The following STK10 variants were observed in gnomAD, a reference collection of about 807,000 sequenced individuals.
The protein encoded by STK10 is serine/threonine kinase 10.
In STK10, 78 loss-of-function variants were observed where a neutral mutation model predicts 113.8. The observed-to-expected ratio is 0.69, with a 90% CI of 0.57 to 0.83. The LOEUF is 0.83. Ranked by LOEUF, STK10 falls within the 40% of genes least tolerant of loss-of-function variation. The pLI, the probability that STK10 is intolerant of heterozygous loss-of-function variation, is 0.00. For synonymous variants in STK10, 465 were observed against 494.7 expected (o/e 0.94, Z 0.80); for missense variants, 1,109 against 1,280.1 (o/e 0.87, Z 2.04).
At chr5:172,173,238 G>A (rs1475976770) in intron 1 of STK10, among the ~76,000 whole-genome samples, 1 of 152,160 alleles carries the variant, frequency 6.6e-6, no homozygotes, top group Non-Finnish European at 1.5e-5. Flanking sequence ...GTCTTGAGAG[G>A]GAGCTCAGGC....
chr5:172,174,322 C>T (rs1017923181), intron 1 of STK10, among the ~76,000 whole-genome samples: 1 of 152,126 alleles, frequency 6.6e-6, no homozygotes, highest in Non-Finnish European at 1.5e-5. Context: ...CAGGCGCGCA[C>T]CATCACGCCC....
At chr5:172,066,814 G>C (rs1174540873) in intron 12 of STK10, among the ~76,000 whole-genome samples, 1 of 152,170 alleles carries the variant, frequency 6.6e-6, no homozygotes, top group African/African-American at 2.4e-5. Flanking sequence ...CGCAGGAAAA[G>C]GGAAATTCCT....
At chr5:172,071,824 T>C (rs116263881) in intron 12 of STK10, among the ~76,000 whole-genome samples, 1,774 of 152,326 alleles carry the variant, frequency 0.012, 35 homozygotes, top group African/African-American at 0.041. Flanking sequence ...TTCAAAATAT[T>C]ATTTTCCTTT....
intron 12 of STK10, among the ~76,000 whole-genome samples, chr5:172,076,610 G>A (rs1768313408): frequency 6.6e-6 from 1 of 152,190 alleles, no homozygotes. Context: ...CAACCAAAAT[G>A]TTTCCAGATA....
intron 10 of STK10, among the ~76,000 whole-genome samples, chr5:172,086,512 T>C (rs1015381307): frequency 2.0e-5 from 3 of 152,196 alleles, no homozygotes; most frequent in African/African-American, 7.2e-5. Flanking sequence ...AAGAGAAGGC[T>C]GAGGCTCAAG....
chr5:172,144,663 G>A (rs186141150), intron 2 of STK10, among the ~76,000 whole-genome samples: 159 of 152,232 alleles, frequency 1.0e-3, no homozygotes, highest in African/African-American at 3.7e-3. Context: ...CACCACATTC[G>A]AAGGAAGCCT....
chr5:172,067,686 T>A (rs1188624134), intron 12 of STK10, among the ~76,000 whole-genome samples: 4 of 151,896 alleles, frequency 2.6e-5, no homozygotes, highest in African/African-American at 4.8e-5. Flanking sequence ...ATACAATGTC[T>A]GAAATTAAAA....
intron 1 of STK10, among the ~76,000 whole-genome samples, chr5:172,172,287 C>G (rs888966718): frequency 6.6e-6 from 1 of 152,346 alleles, no homozygotes; most frequent in South Asian, 2.1e-4. Context: ...CACTGAGTGA[C>G]GGGACCCTCC....
chr5:172,082,110 C>T lies in STK10; in HGVS notation c.1989+216G>A, dbSNP rs1768442866. 2.0e-5 allele frequency among the ~76,000 whole-genome samples: 3 copies of T among 152,094 alleles called. No individual in the cohort carries two copies. Among genetic ancestry groups the T allele is most frequent in the Admixed American group, 2.0e-4 (3 of 15,268 alleles). The stretch of plus-strand genomic sequence containing the variant: ...CCTGAGGCCACAGGGTGAGGCCTGC[C>T]CTGAGCCATAGCAACACAGAGGAAA... On this transcript the variant is annotated intron_variant, in intron 12 of 18. Coordinates refer to ENST00000176763, the MANE Select transcript of STK10 (RefSeq NM_005990.4). This position sits in a 1 kb window ranked among gnomAD's most constrained non-coding sequence, Gnocchi z 4.3.
intron 2 of STK10, among the ~76,000 whole-genome samples, chr5:172,152,911 CTG>C (rs1343763021): frequency 2.6e-5 from 4 of 152,220 alleles, no homozygotes; most frequent in African/African-American, 9.6e-5. Flanking sequence ...TTTTTATACA[CTG>C]GGTTAAATAA....
At chr5:172,062,188 G>A (rs989340799) in intron 13 of STK10, among the ~76,000 whole-genome samples, 1 of 152,060 alleles carries the variant, frequency 6.6e-6, no homozygotes, top group African/African-American at 2.4e-5. Flanking sequence ...ATGTTGGCCA[G>A]GCTGGTCTTC....
At chr5:172,055,142 G>C (rs1192355004) in intron 16 of STK10, among the ~76,000 whole-genome samples, 1 of 151,788 alleles carries the variant, frequency 6.6e-6, no homozygotes, top group African/African-American at 2.4e-5. Context: ...TCCAGGGCAC[G>C]CATGGTGACT....
At chr5:172,153,288 AAAAGAAAGAAAG>A (rs35446422) in intron 2 of STK10, among the ~76,000 whole-genome samples, 55,427 of 141,954 alleles carry the variant, frequency 0.39, 12,223 homozygotes, top group African/African-American at 0.63. Context: ...CTCCATCTCA[AAAAGAAAGAAAG>A]AAAGAAAGAA....
intron 18 of STK10, among the ~76,000 whole-genome samples, chr5:172,049,953 C>T (rs909765731): frequency 1.3e-5 from 2 of 152,198 alleles, no homozygotes; most frequent in African/African-American, 2.4e-5. Context: ...CAGGCATGCA[C>T]CACCATGTCT....
chr5:172,118,627 C>T (rs1320947578), intron 3 of STK10, among the ~76,000 whole-genome samples: 2 of 151,186 alleles, frequency 1.3e-5, no homozygotes, highest in Non-Finnish European at 2.9e-5. Flanking sequence ...TGCCTGTAAT[C>T]CCAGCACTTT....
At chr5:172,140,854 T>C (rs780583799) in intron 2 of STK10, among the ~76,000 whole-genome samples, 5 of 152,262 alleles carry the variant, frequency 3.3e-5, no homozygotes, top group Non-Finnish European at 7.4e-5. Context: ...AGCCGAGATG[T>C]AGAAACAACC....
In STK10 at chr5:172,133,972, A is replaced by G. The variant is rs1264072081; in HGVS notation, c.322-6551T>C. Among the ~76,000 whole-genome samples, 1 of 152,106 alleles carries G rather than the reference A, an allele frequency of 6.6e-6. No homozygotes were observed. The highest frequency in any genetic ancestry group is 2.4e-5 in the African/African-American group (1 of 41,418). On this transcript the variant is annotated intron_variant, in intron 2 of 18. Coordinates refer to ENST00000176763, the MANE Select transcript of STK10 (RefSeq NM_005990.4). This position sits in a 1 kb window ranked among gnomAD's most constrained non-coding sequence, Gnocchi z 4.9. ...TTGTTAAAACAGATCACTGGGTCCCACTCCAGAGCTTCTGATTCAGTGGGT... is the reference window on the plus strand; with the variant it reads ...TTGTTAAAACAGATCACTGGGTCCCGCTCCAGAGCTTCTGATTCAGTGGGT...
At chr5:172,099,089 C>G (rs78695455) in intron 7 of STK10, among the ~76,000 whole-genome samples, 1,669 of 151,950 alleles carry the variant, frequency 0.011, 33 homozygotes, top group African/African-American at 0.037. Context: ...ATCATCATCA[C>G]GACCATTACC....
intron 12 of STK10, among the ~76,000 whole-genome samples, chr5:172,077,980 G>A (rs557768832): frequency 1.4e-5 from 2 of 143,492 alleles, no homozygotes; most frequent in South Asian, 2.1e-4. Context: ...TTCAGAGGCT[G>A]CTCACCTGGT....
Sources: gnomAD v4.1 joint callset for allele counts (sites outside exome capture counted in the v4.1 genomes callset) on GRCh38, gnomAD v4.1.1 for gene constraint, Gnocchi (gnomAD v3.1) non-coding constraint, MANE v1.5 for transcripts, NCBI Gene and HGNC (gene_info 2026-07-23, HGNC 2026-07-21) for gene names.